TMEM117: variants seen among roughly 807,000 people sequenced by gnomAD.
TMEM117 encodes transmembrane protein 117.
TMEM117 carries 27 observed loss-of-function variants against 52.4 expected under a neutral mutation model. That is an observed-to-expected ratio of 0.51 (90% CI 0.38 to 0.71). TMEM117 has a LOEUF of 0.71. TMEM117 is among the 30% of genes least tolerant of loss of function. TMEM117 has a pLI of 0.00. For synonymous variants in TMEM117, 215 were observed against 206.3 expected, an observed-to-expected ratio of 1.04 and a Z score of -0.36; for missense variants, 556 against 630.5, an observed-to-expected ratio of 0.88 and a Z score of 1.26.
intron 2 of TMEM117, among the ~76,000 whole-genome samples, chr12:43,890,814 G>A (rs1302013050): frequency 6.6e-6 from 1 of 152,076 alleles, no homozygotes; most frequent in African/African-American, 2.4e-5. Context: ...ACAGGTGTGA[G>A]CCACTGCGCC....
chr12:44,072,981 T>G (rs1477470320), intron 3 of TMEM117, among the ~76,000 whole-genome samples: 1 of 151,914 alleles, frequency 6.6e-6, no homozygotes, highest in East Asian at 1.9e-4. Context: ...TCCCACTTAC[T>G]CAGAAGGCTG....
At chr12:43,986,666 T>C (rs2137736670) in intron 3 of TMEM117, among the ~76,000 whole-genome samples, 1 of 152,304 alleles carries the variant, frequency 6.6e-6, no homozygotes, top group East Asian at 1.9e-4. Context: ...TCTCTTTAAC[T>C]ATTACCTCTC....
At chr12:44,215,731 A>ATTT (rs755884616) in intron 5 of TMEM117, among the ~76,000 whole-genome samples, 5,777 of 145,796 alleles carry the variant, frequency 0.04, 132 homozygotes, top group Middle Eastern at 0.14. Context: ...GCTTTTTTTA[A>ATTT]AAAAAAAAAA....
chr12:43,879,995 A>G (rs920525398), intron 2 of TMEM117, among the ~76,000 whole-genome samples: 1 of 152,240 alleles, frequency 6.6e-6, no homozygotes, highest in African/African-American at 2.4e-5. Context: ...AGAATAATTC[A>G]TTTGTAAGGA....
At chr12:43,928,442 A>G (rs1223858653) in intron 2 of TMEM117, among the ~76,000 whole-genome samples, 1 of 152,050 alleles carries the variant, frequency 6.6e-6, no homozygotes. Flanking sequence ...TATAGGAGGT[A>G]TACTCTCTCA....
chr12:44,175,429 G>C lies in TMEM117; in HGVS notation c.510+31805G>C, dbSNP rs558084312. On this transcript the variant is annotated intron_variant, in intron 4 of 7. Coordinates refer to ENST00000266534, the MANE Select transcript of TMEM117 (RefSeq NM_032256.3). ...AGAGCAGTTTGTTTAGAGTGGGATG[G>C]GAATAATGATGTTGAGTTTGAGATG... Among the ~76,000 whole-genome samples the C allele has an allele frequency of 6.0e-4, 92 of 152,198 alleles. 1 individual carries two copies. The highest frequency in any genetic ancestry group is 2.1e-3 in the African/African-American group (89 of 41,524).
intron 2 of TMEM117, among the ~76,000 whole-genome samples, chr12:43,871,183 A>G (rs1943698684): frequency 6.6e-6 from 1 of 151,016 alleles, no homozygotes; most frequent in Non-Finnish European, 1.5e-5. Context: ...GCTCTCTGCA[A>G]CCTCTGCCTC....
chr12:43,966,289 C>T (rs1236330733), intron 3 of TMEM117, among the ~76,000 whole-genome samples: 2 of 152,160 alleles, frequency 1.3e-5, no homozygotes, highest in African/African-American at 4.8e-5. Context: ...CTCTGTTCCA[C>T]TCTTTAAAAT....
intron 2 of TMEM117, among the ~76,000 whole-genome samples, chr12:43,902,495 G>A (rs1323722923): frequency 1.3e-5 from 2 of 152,154 alleles, no homozygotes; most frequent in African/African-American, 4.8e-5. Context: ...TCTACATTGA[G>A]CTAAAGTTCC....
chr12:43,948,769 G>T (rs1317148213), intron 3 of TMEM117, among the ~76,000 whole-genome samples: 1 of 152,138 alleles, frequency 6.6e-6, no homozygotes, highest in Non-Finnish European at 1.5e-5. Context: ...TAGAACAGCT[G>T]GAGGAGATAA....
chr12:44,007,352 AC>A (rs1476635869), intron 3 of TMEM117, among the ~76,000 whole-genome samples: 1 of 151,866 alleles, frequency 6.6e-6, no homozygotes, highest in African/African-American at 2.4e-5. Flanking sequence ...TCTCTGAAAA[AC>A]TTTTTTCTAA....
At chr12:43,812,726 T>A in the TMEM117 span, among the ~76,000 whole-genome samples, 15 of 152,032 alleles carry the variant, frequency 9.9e-5, no homozygotes, top group African/African-American at 3.6e-4. Context: ...GAAGCCGAGG[T>A]CGGGTGCGGT....
chr12:43,799,978 T>G, the TMEM117 span, among the ~76,000 whole-genome samples: 2 of 152,102 alleles, frequency 1.3e-5, no homozygotes, highest in Non-Finnish European at 2.9e-5. Flanking sequence ...ATCATCAAAA[T>G]TTTGTGGTTT....
intron 5 of TMEM117, among the ~76,000 whole-genome samples, chr12:44,228,792 G>C (rs1949896805): frequency 6.6e-6 from 1 of 152,200 alleles, no homozygotes; most frequent in Non-Finnish European, 1.5e-5. Context: ...AGTGAAAAAG[G>C]TGGAGGGTCA....
intron 2 of TMEM117, among the ~76,000 whole-genome samples, chr12:43,870,434 T>C (rs958381837): frequency 6.6e-6 from 1 of 151,928 alleles, no homozygotes; most frequent in Non-Finnish European, 1.5e-5. Context: ...TAATTTTGTA[T>C]TTTTAGTAGA....
chr12:43,985,420 A>C (rs1945832779), intron 3 of TMEM117, among the ~76,000 whole-genome samples: 1 of 152,212 alleles, frequency 6.6e-6, no homozygotes, highest in Non-Finnish European at 1.5e-5. Flanking sequence ...GAAACACTGA[A>C]AAACAAAATA....
intron 2 of TMEM117, among the ~76,000 whole-genome samples, chr12:43,848,586 A>G (rs867148039): frequency 6.6e-6 from 1 of 152,236 alleles, no homozygotes; most frequent in East Asian, 1.9e-4. Flanking sequence ...CCCTTGTTCC[A>G]TAAAAATCAC....
chr12:43,972,472 C>T (rs1462421746), intron 3 of TMEM117, among the ~76,000 whole-genome samples: 1 of 152,198 alleles, frequency 6.6e-6, no homozygotes, highest in Admixed American at 6.5e-5. Flanking sequence ...GTTTCCACAG[C>T]ATGGAAGGGG....
chr12:43,884,727 A>G (rs1331733104), intron 2 of TMEM117, among the ~76,000 whole-genome samples: 1 of 152,198 alleles, frequency 6.6e-6, no homozygotes, highest in Non-Finnish European at 1.5e-5. Flanking sequence ...CCAAAAGAAA[A>G]AGCAGATAAG....
Sources: gnomAD v4.1 joint callset for allele counts (sites outside exome capture counted in the v4.1 genomes callset) on GRCh38, gnomAD v4.1.1 for gene constraint, MANE v1.5 for transcripts, NCBI Gene and HGNC (gene_info 2026-07-23, HGNC 2026-07-21) for gene names.